HJURP: variants seen among roughly 807,000 people sequenced by gnomAD.
HJURP encodes Holliday junction recognition protein.
In HJURP, 49 loss-of-function variants were observed where a neutral mutation model predicts 72.0. The ratio of observed to expected loss-of-function variants is 0.68; its 90% CI spans 0.54 to 0.86. HJURP has a LOEUF of 0.86. Among genes scored for constraint, HJURP ranks in the 40% least tolerant of loss-of-function variants. HJURP has a pLI of 0.00. For missense variants in HJURP, 908 were observed against 936.3 expected, an observed-to-expected ratio of 0.97 and a Z score of 0.39; for synonymous variants, 357 against 347.1, an observed-to-expected ratio of 1.03 and a Z score of -0.32.
chr2:233,852,509 A>T, intron 3 of HJURP, 56 bp downstream of exon 3: 2 of 1,321,550 alleles, frequency 1.5e-6, no homozygotes. Context: ...ACCTTTATTC[A>T]TATGAATACT....
Position 233,854,414 on chromosome 2 carries a change from G to C in HJURP, c.87C>G (p.Phe29Leu), listed in dbSNP as rs1279453130. 1 of 1,608,498 alleles carries C rather than the reference G, an allele frequency of 6.2e-7. No homozygotes were observed. The highest frequency in any genetic ancestry group is 8.5e-7 in the Non-Finnish European group (1 of 1,178,302). Reference sequence around the variant, plus strand: ...CTATCAGCCGCTGCATGCGCCTCTGGAAGCGGCGGCGACTGGCCCTGAGCT... The same window carrying C: ...CTATCAGCCGCTGCATGCGCCTCTGCAAGCGGCGGCGACTGGCCCTGAGCT... ...LQKLRASRRR[F>L]QRRMQRLIEK... The change falls in exon 1 of 9, where the codon TTC becomes TTG. Residue 29 changes from phenylalanine (F) to leucine (L), a missense_variant. Around this residue, in one of 3 missense-constraint regions of HJURP, gnomAD observed 299 missense variants for 286.7 expected, o/e 1.04. Transcript: ENST00000411486.
rs1300271415 is a variant in HJURP, at chr2:233,853,915, G to A, written c.118-5C>T. ...GTCCTCGAAGGGCTGGTTGTACTGC[G>A]GAGGAGGAAGGGGCTTCCTGTCAGG... On this transcript the variant is annotated splice_polypyrimidine_tract_variant and splice_region_variant and intron_variant, in intron 1 of 8. Coordinates refer to ENST00000411486, the MANE Select transcript of HJURP (RefSeq NM_018410.5). 2.5e-6 allele frequency: 4 copies of A among 1,613,454 alleles called. No individual in the cohort carries two copies. The highest frequency in any genetic ancestry group is 4.5e-5 in the East Asian group (2 of 44,856).
Position 233,847,237 on chromosome 2 carries a change from C to T in HJURP, c.402+160G>A, listed in dbSNP as rs1021737924. ...GCCTTACCGCTGAAGGGAATCGACA[C>T]GAGGAAATCCGAGACTTGGAAGTAG... is the stretch of plus-strand genomic sequence containing the variant. On this transcript the variant is annotated intron_variant, in intron 5 of 8. Transcript: ENST00000411486. Among the ~76,000 whole-genome samples, 7 of 152,224 alleles carry T rather than the reference C, an allele frequency of 4.6e-5. No homozygotes were observed. In the East Asian group the frequency reaches 7.7e-4, roughly 17 times the overall value.
At chr2:233,852,674 T>C in intron 2 of HJURP, 54 bp from the exon 3 acceptor site, 2 of 1,315,660 alleles carry the variant, frequency 1.5e-6, no homozygotes, top group Non-Finnish European at 2.2e-6. Flanking sequence ...GCTGAACTTC[T>C]GCTCAATCTG....
Position 233,846,077 on chromosome 2 carries a change from G to GA in HJURP, c.403-258dup, listed in dbSNP as rs963035017. 8.1e-3 allele frequency: 2,800 copies of GA among 346,264 alleles called. No homozygotes were observed. Among genetic ancestry groups the GA allele is most frequent in the South Asian group, 0.012 (234 of 19,482 alleles). The allele number at this position is 346,264 out of a possible 1,614,324, so 21.4% of individuals were successfully genotyped here. A position where few individuals can be genotyped will look rare whatever the true frequency, so the allele number is the denominator to read the frequency against. ...GTTTATGACAGCATTGCTAGACCAG[G>GA]AAAAAAAAAATCTGAATATTCATAG... On this transcript the variant is annotated intron_variant, in intron 5 of 8. Transcript: ENST00000411486. This position sits in a 1 kb window ranked among gnomAD's most constrained non-coding sequence, Gnocchi z 4.3.
chr2:233,851,827 G>A (rs1705502267), intron 3 of HJURP, among the ~76,000 whole-genome samples: 1 of 152,142 alleles, frequency 6.6e-6, no homozygotes, highest in Admixed American at 6.5e-5. Flanking sequence ...TTTCAAATTT[G>A]CTGTTAATAT....
Position 233,837,328 on chromosome 2 carries a change from CA to C in HJURP, c.*248del, listed in dbSNP as rs36103039. The C allele has an allele frequency of 0.032, 9,205 of 291,268 alleles. 467 individuals carry two copies. The highest frequency in any genetic ancestry group is 0.14 in the East Asian group (2,333 of 16,858). The allele number at this position is 291,268 out of a possible 1,614,324, so 18.0% of individuals were successfully genotyped here. On this transcript the variant is annotated 3_prime_UTR_variant, in exon 9 of 9. Coordinates refer to ENST00000411486, the MANE Select transcript of HJURP (RefSeq NM_018410.5). ...AACAAACAAACAAATAACCCCCCCC[CA>C]AAAAAAACACACACATCAGAAAAAC...
At position 233,852,624 on chromosome 2, in the gene HJURP, A is replaced by C. The variant is rs1289067430; in HGVS notation, c.185-4T>G. 2.5e-6 allele frequency: 4 copies of C among 1,597,548 alleles called. No homozygotes were observed. The South Asian group carries it at 4.4e-5, about 18-fold the overall frequency. On this transcript the variant is annotated splice_region_variant and splice_polypyrimidine_tract_variant and intron_variant, in intron 2 of 8. Transcript: ENST00000411486. ...CTTCCACCCCAAATTCTCAATCCTG[A>C]AGAAAAGAAACAAAAATGACCATTT...
rs765753648 is a variant in HJURP at position 233,840,931 on chromosome 2, G to A, written c.1849C>T (p.Arg617Ter). The change falls in exon 8 of 9, where the codon CGA becomes TGA. Residue 617 changes from arginine to a stop codon, truncating the protein, a stop_gained. Transcript: ENST00000411486. LOFTEE classifies it high-confidence loss of function. ...VSTDKASMEV[R>*]YQTEGFLGKL... is the part of the protein sequence containing the mutation. ...CCTAAGAAGCCTTCTGTTTGATATC[G>A]AACTTCCATACTTGCTTTATCTGTA... 6.2e-6 allele frequency: 10 copies of A among 1,613,910 alleles called. No homozygotes were observed. Among genetic ancestry groups the A allele is most frequent in the East Asian group, 2.2e-5 (1 of 44,880 alleles).
chr2:233,841,918 A>G lies in HJURP; in HGVS notation c.862T>C (p.Phe288Leu). Reference protein sequence around the residue: ...KPSSIISTKTFIMQNWNSRRR... With the variant: ...KPSSIISTKTLIMQNWNSRRR... ...CTGGAGTTCCAGTTTTGCATGATGA[A>G]CGTTTTGGTGGAGATGATGCTTGAT... Residue 288 changes from phenylalanine to leucine, a missense_variant, in exon 8 of 9, where the codon TTC (phenylalanine) becomes CTC (leucine). This residue lies in a region of HJURP where 598 missense variants were observed against 619.5 expected (regional missense o/e 0.97). Transcript: ENST00000411486. The G allele has an allele frequency of 6.2e-7, 1 of 1,614,148 alleles. No individual in the cohort carries two copies. The highest frequency in any genetic ancestry group is 1.1e-5 in the South Asian group (1 of 91,076).
At chr2:233,850,043 A>G (rs1327643750) in intron 3 of HJURP, among the ~76,000 whole-genome samples, 184 bp from the exon 4 acceptor site, 3 of 152,224 alleles carry the variant, frequency 2.0e-5, no homozygotes, top group Admixed American at 2.0e-4. Flanking sequence ...GAAGGAGCTG[A>G]GGCTCCCCTG....
Position 233,845,752 on chromosome 2 carries a change from C to G in HJURP, c.471G>C (p.Leu157=). Residue 157 remains leucine (L), a synonymous_variant, in exon 6 of 9, where the codon CTG becomes CTC. Coordinates refer to ENST00000411486, the MANE Select transcript of HJURP (RefSeq NM_018410.5). ...CCTCAAAATACTCTGCACCTTGTAG[C>G]AGTATATCCACTTGGGTCAAGTATT... ...RRKYLTQVDI[L]LQGAEYFECA... is the part of the protein sequence containing the mutation. The G allele has an allele frequency of 6.2e-7, 1 of 1,610,744 alleles. No individual in the cohort carries two copies. The highest frequency in any genetic ancestry group is 8.5e-7 in the Non-Finnish European group (1 of 1,176,970).
At chr2:233,843,099 A>T (rs1705272539) in intron 7 of HJURP, among the ~76,000 whole-genome samples, 1 of 152,216 alleles carries the variant, frequency 6.6e-6, no homozygotes, top group Non-Finnish European at 1.5e-5. Flanking sequence ...ATAAAAATAA[A>T]ATAAATCAAA....
Position 233,846,264 on chromosome 2 carries a change from C to A in HJURP, c.403-444G>T, listed in dbSNP as rs1257687331. 1 of 154,906 alleles carries A rather than the reference C, an allele frequency of 6.5e-6. No homozygotes were observed. Among genetic ancestry groups the A allele is most frequent in the Non-Finnish European group, 1.4e-5 (1 of 69,864 alleles). 9.6% of individuals were successfully genotyped at this position (154,906 alleles called of 1,614,324 possible). On this transcript the variant is annotated intron_variant, in intron 5 of 8. Coordinates refer to ENST00000411486, the MANE Select transcript of HJURP (RefSeq NM_018410.5). The surrounding 1 kb of genome is among the most constrained non-coding windows in gnomAD (Gnocchi z 4.3). ...GGCCAGGAGTTCGAGACCAGCCTGG[C>A]CAACATGGTGAAAGTCCATCTCTAC...
At chr2:233,854,064 C>T (rs916903733) in intron 1 of HJURP, among the ~76,000 whole-genome samples, 154 bp from the exon 2 acceptor site, 2 of 152,178 alleles carry the variant, frequency 1.3e-5, no homozygotes, top group African/African-American at 4.8e-5. Context: ...CCGCCTCTCT[C>T]GTCCCACTCA....
intron 7 of HJURP, among the ~76,000 whole-genome samples, chr2:233,842,686 A>C (rs1276527010): frequency 6.6e-6 from 1 of 152,248 alleles, no homozygotes; most frequent in Admixed American, 6.5e-5. Flanking sequence ...AGAAAAAAAA[A>C]GAGTCCAAAT....
intron 2 of HJURP, 68 bp from the exon 3 acceptor site, chr2:233,852,688 T>A: frequency 8.5e-7 from 1 of 1,177,078 alleles, no homozygotes; most frequent in Non-Finnish European, 1.3e-6. Context: ...CAATCTGTGT[T>A]CACCAGATGC....
chr2:233,853,368 G>C (rs1293689348), intron 2 of HJURP, among the ~76,000 whole-genome samples: 1 of 152,218 alleles, frequency 6.6e-6, no homozygotes, highest in Non-Finnish European at 1.5e-5. Context: ...CCCTATTCAA[G>C]TACTTGGAGC....
rs1705201933 is a variant in HJURP at position 233,840,735 on chromosome 2, C to CT, written c.2044dup (p.Arg682LysfsTer56). 6.2e-7 allele frequency: 1 copy of CT among 1,614,108 alleles called. No homozygotes were observed. The highest frequency in any genetic ancestry group is 8.5e-7 in the Non-Finnish European group (1 of 1,180,020). On this transcript the variant is annotated frameshift_variant, in exon 8 of 9. Transcript: ENST00000411486. LOFTEE classifies it high-confidence loss of function. ...GCCCTGGGGTTCTGATAGCCTGGGT[C>CT]TTTTTGCAGGGAACTGATGGTCCCT...
Sources: allele counts gnomAD v4.1 joint callset (sites outside exome capture counted in the v4.1 genomes callset), GRCh38; gene constraint gnomAD v4.1.1; regional missense constraint gnomAD v4.1.1; non-coding constraint Gnocchi (gnomAD v3.1); transcripts MANE v1.5; gene names NCBI Gene and HGNC (gene_info 2026-07-23, HGNC 2026-07-21).